TESK2: variants seen among roughly 807,000 people sequenced by gnomAD.
TESK2 encodes the protein dual specificity testis-specific protein kinase 2.
A neutral mutation model predicts 57.1 loss-of-function variants in TESK2; 39 were observed. That is an observed-to-expected ratio of 0.68 (90% CI 0.53 to 0.89). The LOEUF is 0.89. Among genes scored for constraint, TESK2 ranks in the 40% least tolerant of loss-of-function variants. The probability of loss-of-function intolerance (pLI) is 0.00; values close to 1 mark genes in which losing one functional copy is unlikely to be tolerated. For synonymous variants in TESK2, 249 were observed against 267.9 expected, an observed-to-expected ratio of 0.93 and a Z score of 0.69; for missense variants, 646 against 732.1, an observed-to-expected ratio of 0.88 and a Z score of 1.36.
chr1:45,344,894 G>A lies in TESK2; in HGVS notation c.1662C>T (p.Ala554=). Reference sequence around the variant, plus strand: ...GGCCTATGCCTGAGGTGGAGAAGGTGGCTGGAGTTGAGCCTGCTGGCCTTT... The same window carrying A: ...GGCCTATGCCTGAGGTGGAGAAGGTAGCTGGAGTTGAGCCTGCTGGCCTTT... ...VEERPAGSTP[A]TFSTSGIGLQ... is the part of the protein sequence containing the mutation. Residue 554 remains alanine, a synonymous_variant, in exon 11 of 11, where the codon GCC becomes GCT. Coordinates refer to ENST00000372086, the MANE Select transcript of TESK2 (RefSeq NM_007170.3). 1 of 1,613,900 alleles carries A rather than the reference G, an allele frequency of 6.2e-7. No individual in the cohort carries two copies. Among genetic ancestry groups the A allele is most frequent in the Non-Finnish European group, 8.5e-7 (1 of 1,180,030 alleles).
Position 45,345,447 on chromosome 1 carries a change from T to C in TESK2, c.1109A>G (p.Asp370Gly), listed in dbSNP as rs56051744. 1.3e-4 allele frequency: 207 copies of C among 1,614,130 alleles called. No homozygotes were observed. In the East Asian group the frequency reaches 2.9e-3, roughly 22 times the overall value. ...RTIWLSRSQS[D>G]IFSRKPPRTV... ...ACGTGGGGGCTTACGGGAAAAGATA[T>C]CTGACTGGCTTCGAGACAGCCAGAT... Residue 370 changes from aspartate to glycine, a missense_variant, in exon 11 of 11, where the codon GAT becomes GGT. Physicochemically the swap from Asp to Gly is moderately conservative, Grantham distance 94. Transcript: ENST00000372086.
chr1:45,444,353 C>T (rs530014286), intron 2 of TESK2, among the ~76,000 whole-genome samples: 2 of 152,132 alleles, frequency 1.3e-5, no homozygotes, highest in African/African-American at 4.8e-5. Flanking sequence ...CCTATTCCCC[C>T]CTTTCCCATT....
At chr1:45,415,076 C>A in intron 3 of TESK2, 1 of 1,368,556 alleles carries the variant, frequency 7.3e-7, no homozygotes. Flanking sequence ...AGCCCTTGGG[C>A]CACGTCTCCT....
intron 4 of TESK2, among the ~76,000 whole-genome samples, chr1:45,373,728 G>T (rs192571061): frequency 6.6e-6 from 1 of 152,278 alleles, no homozygotes; most frequent in Admixed American, 6.5e-5. Flanking sequence ...AGGATAACAA[G>T]AAAAGACCAC....
At chr1:45,358,006 TAAAAAA>T (rs760610185) in intron 4 of TESK2, among the ~76,000 whole-genome samples, 1 of 24,276 alleles carries the variant, frequency 4.1e-5, no homozygotes, top group Non-Finnish European at 8.7e-5. Flanking sequence ...AAACTCCGTC[TAAAAAA>T]AAAAAAAAAA....
At chr1:45,455,440 T>C (rs1321483947) in intron 2 of TESK2, among the ~76,000 whole-genome samples, 1 of 152,202 alleles carries the variant, frequency 6.6e-6, no homozygotes, top group Non-Finnish European at 1.5e-5. Context: ...TAAAAAACCT[T>C]AGCCCCCATC....
At chr1:45,356,257 C>T (rs1201835826) in intron 4 of TESK2, among the ~76,000 whole-genome samples, 2 of 151,616 alleles carry the variant, frequency 1.3e-5, no homozygotes, top group African/African-American at 4.9e-5. Context: ...GAGCAATAGG[C>T]TATTGGTCCC....
intron 3 of TESK2, among the ~76,000 whole-genome samples, chr1:45,408,666 T>C (rs537171939): frequency 1.3e-5 from 2 of 152,346 alleles, no homozygotes; most frequent in South Asian, 2.1e-4. Context: ...TTTGGGTCTA[T>C]TCATTTTCTC....
At chr1:45,454,892 A>G (rs1652012228) in intron 2 of TESK2, among the ~76,000 whole-genome samples, 1 of 152,216 alleles carries the variant, frequency 6.6e-6, no homozygotes, top group South Asian at 2.1e-4. Flanking sequence ...TAACTCTAAC[A>G]CAAATGGATA....
rs1410710098 is a variant in TESK2 at position 45,344,878 on chromosome 1, CT to C, written c.1677del (p.Gly560AlafsTer2). 4.3e-6 allele frequency: 7 copies of C among 1,613,554 alleles called. No homozygotes were observed. The highest frequency in any genetic ancestry group is 1.7e-5 in the Admixed American group (1 of 60,012). Reference protein sequence around the residue: ...AGSTPATFSTSGIGLQTQGKQ... With the variant: ...AGSTPATFSTXGIGLQTQGKQ... ...TTTCCCTGGGTTTGCAGGCCTATGCCTGAGGTGGAGAAGGTGGCTGGAGTTG... is the reference window on the plus strand; with the variant it reads ...TTTCCCTGGGTTTGCAGGCCTATGCCGAGGTGGAGAAGGTGGCTGGAGTTG... On this transcript the variant is annotated frameshift_variant, in exon 11 of 11. Transcript: ENST00000372086. LOFTEE classifies it high-confidence loss of function.
At chr1:45,461,967 T>C (rs1267720955) in intron 1 of TESK2, among the ~76,000 whole-genome samples, 2 of 152,224 alleles carry the variant, frequency 1.3e-5, no homozygotes, top group Non-Finnish European at 2.9e-5. Context: ...TTCTAAAATA[T>C]ACAATGAATT....
intron 1 of TESK2, among the ~76,000 whole-genome samples, chr1:45,470,215 AT>A (rs1280168919): frequency 1.3e-5 from 2 of 152,230 alleles, no homozygotes; most frequent in Non-Finnish European, 2.9e-5. Flanking sequence ...TATGAGTAAT[AT>A]GTAGCCCCGA....
intron 3 of TESK2, among the ~76,000 whole-genome samples, chr1:45,396,242 T>A (rs1649349883): frequency 1.3e-5 from 2 of 152,088 alleles, no homozygotes; most frequent in Non-Finnish European, 2.9e-5. Flanking sequence ...TACAGGCATG[T>A]GCCCCCATAC....
intron 4 of TESK2, among the ~76,000 whole-genome samples, chr1:45,373,115 A>G: frequency 6.6e-6 from 1 of 152,236 alleles, no homozygotes; most frequent in South Asian, 2.1e-4. Context: ...CTGCTGAACT[A>G]TATATTTAAA....
intron 3 of TESK2, among the ~76,000 whole-genome samples, chr1:45,399,140 ATTTTTTTTTTT>A (rs753087306): frequency 4.0e-5 from 4 of 99,722 alleles, no homozygotes; most frequent in African/African-American, 9.7e-5. Flanking sequence ...AAAAGTTGAA[ATTTTTTTTTTT>A]TTTTTTTTTT....
At chr1:45,486,782 T>TACACGCACACAC (rs1553160297) in intron 1 of TESK2, among the ~76,000 whole-genome samples, 2 of 115,868 alleles carry the variant, frequency 1.7e-5, no homozygotes, top group Non-Finnish European at 3.3e-5. Context: ...CCTCCCAGCA[T>TACACGCACACAC]ACACACACAC....
intron 4 of TESK2, among the ~76,000 whole-genome samples, chr1:45,377,030 G>A (rs1648457072): frequency 6.6e-6 from 1 of 152,030 alleles, no homozygotes; most frequent in Non-Finnish European, 1.5e-5. Context: ...GACCAGCCTG[G>A]GTGATATAGT....
chr1:45,475,209 CTTTTTTTTTT>C (rs375872140), intron 1 of TESK2, among the ~76,000 whole-genome samples: 21 of 113,160 alleles, frequency 1.9e-4, no homozygotes, highest in African/African-American at 7.2e-4. Context: ...TTAGCCTGGC[CTTTTTTTTTT>C]TTTTTTTTTT....
At chr1:45,424,234 T>C (rs1053091898) in intron 2 of TESK2, among the ~76,000 whole-genome samples, 1 of 152,192 alleles carries the variant, frequency 6.6e-6, no homozygotes, top group African/African-American at 2.4e-5. Flanking sequence ...AAGTTTATCA[T>C]AGCTATTAAT....
Sources: gnomAD v4.1 joint callset for allele counts (sites outside exome capture counted in the v4.1 genomes callset) on GRCh38, gnomAD v4.1.1 for gene constraint, MANE v1.5 for transcripts, NCBI Gene and HGNC (gene_info 2026-07-23, HGNC 2026-07-21) for gene names.